Variants in LUZP1 observed in about 807,000 individuals in gnomAD.
The protein encoded by LUZP1 is leucine zipper protein 1.
A neutral mutation model predicts 71.3 loss-of-function variants in LUZP1; 25 were observed. That is an observed-to-expected ratio of 0.35 (90% CI 0.26 to 0.49). LUZP1 has a LOEUF of 0.49. Ranked by LOEUF, LUZP1 falls within the 20% of genes least tolerant of loss-of-function variation. LUZP1 has a pLI of 0.99. For missense variants in LUZP1, 1,142 were observed against 1,300.8 expected (o/e 0.88, Z 1.88); for synonymous variants, 481 against 506.4 (o/e 0.95, Z 0.67).
intron 2 of LUZP1, among the ~76,000 whole-genome samples, chr1:23,167,959 G>T (rs1024996043): frequency 1.3e-5 from 2 of 151,404 alleles, no homozygotes; most frequent in African/African-American, 4.8e-5. Flanking sequence ...CGGGCGGGGG[G>T]AGGCCCCGGC....
chr1:23,127,418 T>C (rs1347604025), intron 2 of LUZP1, among the ~76,000 whole-genome samples: 1 of 152,196 alleles, frequency 6.6e-6, no homozygotes, highest in Non-Finnish European at 1.5e-5. Context: ...CAGAAAACAT[T>C]TGATATTTAC....
At chr1:23,107,567 A>G (rs1369833637) in intron 3 of LUZP1, among the ~76,000 whole-genome samples, 3 of 152,180 alleles carry the variant, frequency 2.0e-5, no homozygotes, top group Non-Finnish European at 4.4e-5. Flanking sequence ...CTGGGAGGCC[A>G]AGGTGGGCAA....
chr1:23,108,095 G>C (rs562042017), intron 3 of LUZP1, among the ~76,000 whole-genome samples: 2 of 152,128 alleles, frequency 1.3e-5, no homozygotes, highest in Non-Finnish European at 2.9e-5. Context: ...GCCACTGACC[G>C]TTCAAGTTCT....
chr1:23,118,718 G>A (rs1245757306), intron 2 of LUZP1, among the ~76,000 whole-genome samples: 1 of 152,200 alleles, frequency 6.6e-6, no homozygotes, highest in Non-Finnish European at 1.5e-5. Flanking sequence ...ATCCAAGGCT[G>A]CCTATTTCCA....
chr1:23,150,632 C>T (rs749043324), intron 2 of LUZP1, among the ~76,000 whole-genome samples: 12 of 152,046 alleles, frequency 7.9e-5, no homozygotes, highest in Non-Finnish European at 1.5e-4. Context: ...ATAAGGCAGA[C>T]GGAACTTTGA....
chr1:23,143,182 T>G (rs1301578427), intron 2 of LUZP1, among the ~76,000 whole-genome samples: 1 of 152,050 alleles, frequency 6.6e-6, no homozygotes, highest in African/African-American at 2.4e-5. Context: ...CTAATTTTTG[T>G]ATTTTTAGTA....
intron 2 of LUZP1, chr1:23,109,770 T>A (rs534609995): frequency 6.6e-6 from 1 of 152,282 alleles, no homozygotes; most frequent in East Asian, 1.9e-4. Flanking sequence ...ATGCAAATAT[T>A]TTTTTTAAAA....
chr1:23,153,052 T>C (rs563621081), intron 2 of LUZP1, among the ~76,000 whole-genome samples: 67 of 152,306 alleles, frequency 4.4e-4, no homozygotes, highest in African/African-American at 1.5e-3. Context: ...TCTTGATTAA[T>C]GTCATAATTC....
At chr1:23,172,593 C>T (rs1644558614) in intron 1 of LUZP1, among the ~76,000 whole-genome samples, 1 of 151,526 alleles carries the variant, frequency 6.6e-6, no homozygotes, top group South Asian at 2.1e-4. Flanking sequence ...GGGCTCACTG[C>T]AATCTTTGCC....
chr1:23,158,647 CAAAAAAAAAAAAAAAAAAAA>C (rs56919514), intron 2 of LUZP1, among the ~76,000 whole-genome samples: 1 of 59,916 alleles, frequency 1.7e-5, no homozygotes, highest in Non-Finnish European at 3.6e-5. Flanking sequence ...GACTCTGTCT[CAAAAAAAAAAAAAAAAAAAA>C]AAAAAAAAAA....
intron 2 of LUZP1, among the ~76,000 whole-genome samples, chr1:23,126,663 T>G (rs915037521): frequency 8.5e-5 from 13 of 152,218 alleles, no homozygotes; most frequent in African/African-American, 3.1e-4. Context: ...GGCACCATTT[T>G]AGAAAACAAA....
chr1:23,170,462 CTT>C (rs200073505), intron 1 of LUZP1, among the ~76,000 whole-genome samples: 17 of 127,436 alleles, frequency 1.3e-4, no homozygotes, highest in African/African-American at 3.8e-4. Flanking sequence ...CTTTTTCTTT[CTT>C]TTTTTTTTTT....
rs535600405 is a variant in LUZP1 at position 23,097,662 on chromosome 1, G to A, written c.-119-3282C>T. Reference sequence around the variant, plus strand: ...CCTGGGCACAACACAGTAAGATCCCGTCTCTATAAAAAAAGGTAAAATAAA... The same window carrying A: ...CCTGGGCACAACACAGTAAGATCCCATCTCTATAAAAAAAGGTAAAATAAA... On this transcript the variant is annotated intron_variant, in intron 3 of 4. Coordinates refer to ENST00000302291, the Ensembl canonical transcript of LUZP1. Among the ~76,000 whole-genome samples the A allele has an allele frequency of 9.9e-5, 15 of 152,110 alleles. No individual in the cohort carries two copies. The South Asian group carries it at 1.2e-3, about 13-fold the overall frequency.
chr1:23,132,866 T>G (rs1644225372), intron 2 of LUZP1, among the ~76,000 whole-genome samples: 1 of 152,220 alleles, frequency 6.6e-6, no homozygotes, highest in African/African-American at 2.4e-5. Context: ...AGAAGATTAT[T>G]AGGTGCAATT....
At chr1:23,136,493 G>C (rs1644254065) in intron 2 of LUZP1, among the ~76,000 whole-genome samples, 1 of 152,112 alleles carries the variant, frequency 6.6e-6, no homozygotes, top group Admixed American at 6.6e-5. Flanking sequence ...TCAAACTTTA[G>C]TATTGTGTGA....
chr1:23,131,154 G>A (rs1482970870), intron 2 of LUZP1, among the ~76,000 whole-genome samples: 1 of 137,366 alleles, frequency 7.3e-6, no homozygotes, highest in African/African-American at 2.7e-5. Flanking sequence ...GGGAGATGGA[G>A]GTTGTAGTGA....
At chr1:23,090,708 G>A (rs907720482) in intron 4 of LUZP1, 2 of 618,208 alleles carry the variant, frequency 3.2e-6, no homozygotes, top group South Asian at 1.9e-5. Context: ...CCTCATCCCT[G>A]AGAGGCCAGC....
At chr1:23,124,383 T>G (rs1051443131) in intron 2 of LUZP1, among the ~76,000 whole-genome samples, 5 of 152,082 alleles carry the variant, frequency 3.3e-5, no homozygotes, top group Admixed American at 6.6e-5. Flanking sequence ...CCATACCTCT[T>G]CACAAGACTG....
chr1:23,133,764 A>AAAAT (rs61270548), intron 2 of LUZP1: 24,113 of 148,246 alleles, frequency 0.16, 2,027 homozygotes, highest in East Asian at 0.23. Flanking sequence ...CTCCATCTCA[A>AAAAT]AAATAAATAA....
Sources: gnomAD v4.1 joint callset for allele counts (sites outside exome capture counted in the v4.1 genomes callset) on GRCh38, gnomAD v4.1.1 for gene constraint, MANE v1.5 for transcripts, NCBI Gene and HGNC (gene_info 2026-07-23, HGNC 2026-07-21) for gene names.